LCP1: variants seen among roughly 807,000 people sequenced by gnomAD.
LCP1 encodes the protein lymphocyte cytosolic protein 1.
A neutral mutation model predicts 72.0 loss-of-function variants in LCP1; 23 were observed. The observed-to-expected ratio is 0.32, with a 90% CI of 0.23 to 0.45. The LOEUF is 0.45. Ranked by LOEUF, LCP1 falls within the 20% of genes least tolerant of loss-of-function variation. The pLI is 1.00. For synonymous variants in LCP1, 245 were observed against 275.4 expected (o/e 0.89, Z 1.09); for missense variants, 571 against 748.3 (o/e 0.76, Z 2.76).
At chr13:46,170,164 T>C (rs59792695) in intron 1 of LCP1, among the ~76,000 whole-genome samples, 10,046 of 152,290 alleles carry the variant, frequency 0.066, 534 homozygotes, top group African/African-American at 0.13. Flanking sequence ...ATAATATTCT[T>C]GTGTACATAC....
intron 1 of LCP1, among the ~76,000 whole-genome samples, chr13:46,175,345 A>G (rs148985708): frequency 2.6e-5 from 4 of 152,270 alleles, no homozygotes; most frequent in African/African-American, 9.6e-5. Flanking sequence ...CACTTGCCTG[A>G]TTTTATAGAT....
At chr13:46,173,703 G>A (rs372509133) in intron 1 of LCP1, among the ~76,000 whole-genome samples, 46 of 152,028 alleles carry the variant, frequency 3.0e-4, no homozygotes, top group Non-Finnish European at 4.1e-4. Flanking sequence ...TTTCTTATTC[G>A]GAGTCCTTGA....
intron 6 of LCP1, among the ~76,000 whole-genome samples, chr13:46,153,911 G>C (rs1291547613): frequency 6.6e-6 from 1 of 152,098 alleles, no homozygotes; most frequent in Non-Finnish European, 1.5e-5. Flanking sequence ...AGAGTCAAGG[G>C]AGTTTTCAGT....
chr13:46,150,949 C>T lies in LCP1; in HGVS notation c.869G>A (p.Ser290Asn), dbSNP rs1373267519. Residue 290 changes from serine to asparagine, a missense_variant, in exon 8 of 16, where the codon AGT becomes AAT. Transcript: ENST00000323076. ...NAGCNKIGNF[S>N]TDIKDSKAYY... ...CGCTCCTCCTACCTTGATGTCAGTA[C>T]TGAAGTTGCCAATTTTGTTGCAGCC... The T allele has an allele frequency of 6.2e-7, 1 of 1,613,904 alleles. No individual in the cohort carries two copies. Among genetic ancestry groups the T allele is most frequent in the East Asian group, 2.2e-5 (1 of 44,880 alleles).
intron 13 of LCP1, among the ~76,000 whole-genome samples, chr13:46,138,557 C>A (rs1354664407): frequency 6.6e-6 from 1 of 152,048 alleles, no homozygotes; most frequent in Non-Finnish European, 1.5e-5. Flanking sequence ...GGGCTTTGAG[C>A]CACATTTTTA....
At chr13:46,166,289 G>T (rs1368399685) in intron 1 of LCP1, among the ~76,000 whole-genome samples, 1 of 152,194 alleles carries the variant, frequency 6.6e-6, no homozygotes, top group African/African-American at 2.4e-5. Flanking sequence ...GGCTAGAAAA[G>T]GTGACCTGTC....
chr13:46,171,503 C>A (rs73474460), intron 1 of LCP1, among the ~76,000 whole-genome samples: 7,476 of 152,206 alleles, frequency 0.049, 235 homozygotes, highest in South Asian at 0.077. Context: ...AGAACACAAC[C>A]AGGCTTGATC....
At chr13:46,173,776 C>T (rs2045914953) in intron 1 of LCP1, among the ~76,000 whole-genome samples, 2 of 152,202 alleles carry the variant, frequency 1.3e-5, no homozygotes, top group South Asian at 4.1e-4. Flanking sequence ...GGTATTAGCT[C>T]ATCCTGAGTG....
In LCP1 at chr13:46,142,330, G is replaced by A; in HGVS notation, c.1464C>T (p.Arg488=). Reference sequence around the variant, plus strand: ...GCCAAATCAAGGCCAGTGTGAGAGTGCGGTTTCCTTCATTGAGATCTTGTC... The same window carrying A: ...GCCAAATCAAGGCCAGTGTGAGAGTACGGTTTCCTTCATTGAGATCTTGTC... The part of the protein sequence containing the change: ...IGGQDLNEGN[R]TLTLALIWQL... The change falls in exon 13 of 16, where the codon CGC becomes CGT. Residue 488 remains arginine (R), a synonymous_variant. Transcript: ENST00000323076. 6.2e-7 allele frequency: 1 copy of A among 1,613,982 alleles called. No individual in the cohort carries two copies. Among genetic ancestry groups the A allele is most frequent in the South Asian group, 1.1e-5 (1 of 91,068 alleles).
intron 12 of LCP1, chr13:46,142,640 T>G: frequency 1.7e-6 from 1 of 589,384 alleles, no homozygotes. Flanking sequence ...ATTCATAATG[T>G]GGAAAACTGA....
intron 1 of LCP1, among the ~76,000 whole-genome samples, chr13:46,174,953 G>T (rs925936273): frequency 2.0e-4 from 30 of 152,038 alleles, no homozygotes; most frequent in Non-Finnish European, 2.2e-4. Context: ...AGTGGATCAT[G>T]TTAGAAGATA....
intron 1 of LCP1, among the ~76,000 whole-genome samples, chr13:46,181,117 G>A (rs1464924913): frequency 6.6e-6 from 1 of 152,162 alleles, no homozygotes; most frequent in Admixed American, 6.5e-5. Flanking sequence ...ACCTTTATTT[G>A]CTTACTGATA....
At chr13:46,175,731 TCC>T (rs577997005) in intron 1 of LCP1, among the ~76,000 whole-genome samples, 35 of 152,178 alleles carry the variant, frequency 2.3e-4, no homozygotes, top group African/African-American at 7.2e-4. Context: ...TCCAAAGTTT[TCC>T]AAGGTGCCTA....
chr13:46,137,860 T>C (rs374721823), intron 13 of LCP1, among the ~76,000 whole-genome samples: 2 of 152,250 alleles, frequency 1.3e-5, no homozygotes, highest in Non-Finnish European at 2.9e-5. Context: ...GAGGTTTGGA[T>C]GTGAGGCACT....
chr13:46,131,285 G>A (rs2045632838), intron 14 of LCP1, among the ~76,000 whole-genome samples: 1 of 152,068 alleles, frequency 6.6e-6, no homozygotes, highest in African/African-American at 2.4e-5. Context: ...ACAGAAATGA[G>A]GACCAAAACC....
intron 2 of LCP1, 134 bp from the exon 3 acceptor site, chr13:46,159,123 A>G (rs779140098): frequency 9.0e-6 from 7 of 778,830 alleles, no homozygotes; most frequent in Non-Finnish European, 1.5e-5. Flanking sequence ...ATCCCAGGGA[A>G]GAGTCAGAAT....
chr13:46,180,708 G>T (rs75364842), intron 1 of LCP1, among the ~76,000 whole-genome samples: 123 of 152,276 alleles, frequency 8.1e-4, no homozygotes, highest in African/African-American at 2.6e-3. Flanking sequence ...TTAAACAGGG[G>T]ACCTTTATAT....
At chr13:46,144,558 G>T (rs766053165) in intron 10 of LCP1, 38 bp from the exon 11 acceptor site, 1 of 1,469,570 alleles carries the variant, frequency 6.8e-7, no homozygotes, top group Admixed American at 1.7e-5. Context: ...TGGGACCGAA[G>T]AAAACATAGC....
intron 1 of LCP1, among the ~76,000 whole-genome samples, chr13:46,163,717 G>C (rs1016710940): frequency 2.0e-5 from 3 of 151,230 alleles, no homozygotes; most frequent in Non-Finnish European, 4.4e-5. Context: ...CTACAATATA[G>C]TGAGCTTGTC....
Sources: allele counts gnomAD v4.1 joint callset (sites outside exome capture counted in the v4.1 genomes callset), GRCh38; gene constraint gnomAD v4.1.1; transcripts MANE v1.5; gene names NCBI Gene and HGNC (gene_info 2026-07-23, HGNC 2026-07-21).